The following PYGB variants were observed in gnomAD, a reference collection of about 807,000 sequenced individuals.
PYGB encodes the protein glycogen phosphorylase, brain form.
Under a neutral mutation model 94.3 loss-of-function variants are expected in PYGB, and 82 were observed. The ratio of observed to expected loss-of-function variants is 0.87; its 90% CI spans 0.73 to 1.04. The LOEUF is 1.04. Ranked by LOEUF, PYGB falls within the 50% of genes least tolerant of loss-of-function variation. The probability of loss-of-function intolerance (pLI) is 0.00; values close to 1 mark genes in which losing one functional copy is unlikely to be tolerated. For missense variants in PYGB, 1,132 were observed against 1,158.2 expected (o/e 0.98, Z 0.33); for synonymous variants, 488 against 479.1 (o/e 1.02, Z -0.24).
chr20:25,256,814 A>AT (rs1958927315), intron 1 of PYGB, among the ~76,000 whole-genome samples: 1 of 152,232 alleles, frequency 6.6e-6, no homozygotes, highest in Non-Finnish European at 1.5e-5. Context: ...ATTTGGGGTC[A>AT]TGGAAGAGCT....
At chr20:25,273,079 G>A (rs371416040) in intron 4 of PYGB, among the ~76,000 whole-genome samples, 4 of 152,226 alleles carry the variant, frequency 2.6e-5, no homozygotes, top group South Asian at 4.1e-4. Flanking sequence ...TTTTTAGTTG[G>A]CTTTAGCCAT....
chr20:25,292,740 A>T, intron 17 of PYGB, 127 bp downstream of exon 17: 1 of 1,229,244 alleles, frequency 8.1e-7, no homozygotes, highest in Non-Finnish European at 1.1e-6. Context: ...GTGCCCACCC[A>T]GGGCTGTGTG....
At chr20:25,291,608 A>G (rs1318117015) in intron 16 of PYGB, among the ~76,000 whole-genome samples, 1 of 152,114 alleles carries the variant, frequency 6.6e-6, no homozygotes. Context: ...CGGCTTGGCC[A>G]GGAACTGTGG....
chr20:25,272,474 G>T (rs1466848204), intron 4 of PYGB, among the ~76,000 whole-genome samples: 1 of 152,256 alleles, frequency 6.6e-6, no homozygotes, highest in Non-Finnish European at 1.5e-5. Flanking sequence ...GCGTTTAGTG[G>T]GAATGTGGAC....
At chr20:25,271,574 C>A in intron 4 of PYGB, 88 bp downstream of exon 4, 8 of 1,413,466 alleles carry the variant, frequency 5.7e-6, no homozygotes, top group South Asian at 1.2e-5. Context: ...TTTATACTTC[C>A]CACGCCCCCG....
At chr20:25,287,314 G>A (rs888721308) in intron 14 of PYGB, among the ~76,000 whole-genome samples, 1 of 152,218 alleles carries the variant, frequency 6.6e-6, no homozygotes, top group Non-Finnish European at 1.5e-5. Flanking sequence ...GGCTGAGGTT[G>A]CCACTTTTTC....
At chr20:25,252,365 G>A (rs2092890436) in intron 1 of PYGB, among the ~76,000 whole-genome samples, 1 of 152,224 alleles carries the variant, frequency 6.6e-6, no homozygotes, top group South Asian at 2.1e-4. Context: ...TCCCTCTGGG[G>A]GGGTCGGGGG....
chr20:25,269,286 T>C, intron 3 of PYGB, 79 bp downstream of exon 3: 1 of 1,205,034 alleles, frequency 8.3e-7, no homozygotes, highest in East Asian at 2.4e-5. Flanking sequence ...CAGGGTCAGG[T>C]AAATTGGCCT....
chr20:25,287,064 G>A (rs1555807941), intron 14 of PYGB, among the ~76,000 whole-genome samples: 2 of 152,198 alleles, frequency 1.3e-5, no homozygotes, highest in Non-Finnish European at 2.9e-5. Flanking sequence ...GCTGGTGAAC[G>A]CCTGTCCAGG....
At chr20:25,273,556 C>A (rs2088284871) in intron 4 of PYGB, among the ~76,000 whole-genome samples, 1 of 152,210 alleles carries the variant, frequency 6.6e-6, no homozygotes, top group Non-Finnish European at 1.5e-5. Context: ...TCCGCCCTTG[C>A]TGCTGTACCA....
intron 1 of PYGB, among the ~76,000 whole-genome samples, chr20:25,254,940 T>G (rs1437441968): frequency 1.3e-5 from 2 of 152,202 alleles, no homozygotes; most frequent in Non-Finnish European, 2.9e-5. Flanking sequence ...TATAATTCTT[T>G]TACATTTGAC....
chr20:25,283,668 C>G (rs929875589), intron 13 of PYGB, among the ~76,000 whole-genome samples: 1 of 152,234 alleles, frequency 6.6e-6, no homozygotes, highest in Non-Finnish European at 1.5e-5. Context: ...AGCAGCCTCT[C>G]GGCTAGACCA....
intron 11 of PYGB, 89 bp downstream of exon 11, chr20:25,281,201 T>TATA: frequency 6.6e-7 from 1 of 1,505,822 alleles, no homozygotes; most frequent in Non-Finnish European, 9.1e-7. Flanking sequence ...TGGACCCAGC[T>TATA]ATATAGCATA....
chr20:25,290,803 A>G (rs1340638947), intron 16 of PYGB, among the ~76,000 whole-genome samples, 181 bp downstream of exon 16: 1 of 152,000 alleles, frequency 6.6e-6, no homozygotes, highest in Non-Finnish European at 1.5e-5. Context: ...AGTGCGGAGG[A>G]CTCACAGTGC....
chr20:25,289,489 T>G (rs1316084036), intron 15 of PYGB, among the ~76,000 whole-genome samples: 2 of 151,684 alleles, frequency 1.3e-5, no homozygotes, highest in Non-Finnish European at 2.9e-5. Context: ...TACAAAAAAG[T>G]GCAAAAATTA....
intron 13 of PYGB, among the ~76,000 whole-genome samples, chr20:25,283,761 C>G (rs1197835646): frequency 6.6e-6 from 1 of 152,204 alleles, no homozygotes; most frequent in Non-Finnish European, 1.5e-5. Context: ...CTCATAGAGG[C>G]CAGAACTAGT....
intron 1 of PYGB, among the ~76,000 whole-genome samples, chr20:25,257,699 G>A (rs2092905359): frequency 6.6e-6 from 1 of 152,172 alleles, no homozygotes; most frequent in Non-Finnish European, 1.5e-5. Context: ...TAAAGGCAAA[G>A]TAAAAACATT....
rs202079939 is a variant in PYGB at position 25,290,666 on chromosome 20, G to A, written c.1969+44G>A. ...GTTGGACAGAAAACTCACTCCTGCC[G>A]GGGAACGGGCGTTGTACTGGCCCCG... On this transcript the variant is annotated intron_variant, in intron 16 of 19. Transcript: ENST00000216962. 19 of 1,584,080 alleles carry A rather than the reference G, an allele frequency of 1.2e-5. 1 individual carries two copies. Among genetic ancestry groups the A allele is most frequent in the South Asian group, 8.9e-5 (8 of 90,314 alleles).
intron 12 of PYGB, 105 bp downstream of exon 12, chr20:25,282,252 C>A: frequency 1.1e-6 from 1 of 916,806 alleles, no homozygotes; most frequent in Non-Finnish European, 1.6e-6. Context: ...AGGAGTCTGT[C>A]CCTCACGTGT....
Sources: allele counts gnomAD v4.1 joint callset (sites outside exome capture counted in the v4.1 genomes callset), GRCh38; gene constraint gnomAD v4.1.1; transcripts MANE v1.5; gene names NCBI Gene and HGNC (gene_info 2026-07-23, HGNC 2026-07-21).